KHDRBS2: variants seen among roughly 807,000 people sequenced by gnomAD.
KHDRBS2 encodes KH RNA binding domain containing, signal transduction associated 2, also known as KH domain-containing, RNA-binding, signal transduction-associated protein 2.
Under a neutral mutation model 44.3 loss-of-function variants are expected in KHDRBS2, and 26 were observed. The observed-to-expected ratio is 0.59, with a 90% CI of 0.43 to 0.81. The LOEUF is 0.81. KHDRBS2 is among the 40% of genes least tolerant of loss of function. The probability of loss-of-function intolerance (pLI) is 0.00; values close to 1 mark genes in which losing one functional copy is unlikely to be tolerated. For synonymous variants in KHDRBS2, 194 were observed against 151.1 expected (o/e 1.28, Z -2.08); for missense variants, 476 against 433.1 (o/e 1.10, Z -0.88).
At chr6:62,066,020 G>T (rs12190185) in intron 2 of KHDRBS2, among the ~76,000 whole-genome samples, 30,469 of 151,276 alleles carry the variant, frequency 0.2, 3,659 homozygotes, top group Admixed American at 0.32. Context: ...TTTTCATCCT[G>T]TGTGGAGAGT....
intron 6 of KHDRBS2, among the ~76,000 whole-genome samples, chr6:61,879,356 T>C (rs942192191): frequency 8.5e-4 from 129 of 152,058 alleles, no homozygotes; most frequent in African/African-American, 3.1e-3. Flanking sequence ...AGCTTTGTTT[T>C]TGTCCAGCTA....
intron 6 of KHDRBS2, among the ~76,000 whole-genome samples, chr6:61,844,594 T>C (rs1794091897): frequency 6.6e-6 from 1 of 152,132 alleles, no homozygotes. Context: ...ATACAAAATC[T>C]CATAAAAGCA....
At chr6:62,005,334 G>A (rs942931536) in intron 3 of KHDRBS2, among the ~76,000 whole-genome samples, 10 of 151,734 alleles carry the variant, frequency 6.6e-5, no homozygotes, top group African/African-American at 2.4e-4. Context: ...GTTATTTTTT[G>A]TTGTTTGCTA....
chr6:61,747,126 G>GA (rs945667642), intron 6 of KHDRBS2, among the ~76,000 whole-genome samples: 1 of 150,072 alleles, frequency 6.7e-6, no homozygotes, highest in Non-Finnish European at 1.5e-5. Flanking sequence ...ACAAACATAT[G>GA]AAAAAAAAAG....
chr6:61,821,207 G>A (rs1035251524), intron 6 of KHDRBS2, among the ~76,000 whole-genome samples: 1 of 151,988 alleles, frequency 6.6e-6, no homozygotes, highest in Non-Finnish European at 1.5e-5. Flanking sequence ...TTTTCAAAAT[G>A]TAGCTTGTGG....
chr6:62,060,924 A>G (rs1462023524), intron 2 of KHDRBS2, among the ~76,000 whole-genome samples: 2 of 151,910 alleles, frequency 1.3e-5, no homozygotes, highest in Non-Finnish European at 2.9e-5. Context: ...ATCATATTAT[A>G]CTTTACAGAA....
chr6:61,845,816 T>C (rs1304160951), intron 6 of KHDRBS2, among the ~76,000 whole-genome samples: 9 of 152,224 alleles, frequency 5.9e-5, no homozygotes, highest in Admixed American at 2.6e-4. Flanking sequence ...GTTTCTTTAC[T>C]ACAATTGTAA....
chr6:61,685,058 C>T (rs1468035063), intron 8 of KHDRBS2, among the ~76,000 whole-genome samples: 2 of 151,636 alleles, frequency 1.3e-5, no homozygotes, highest in Admixed American at 1.3e-4. Flanking sequence ...CCTGAAATTT[C>T]ATAGGTTATG....
intron 6 of KHDRBS2, among the ~76,000 whole-genome samples, chr6:61,736,267 G>T (rs1273555433): frequency 7.0e-6 from 1 of 143,622 alleles, no homozygotes; most frequent in African/African-American, 2.5e-5. Flanking sequence ...TTAGGATGTG[G>T]AGTGGATGTT....
At chr6:62,060,664 T>A (rs1791601427) in intron 2 of KHDRBS2, among the ~76,000 whole-genome samples, 1 of 151,356 alleles carries the variant, frequency 6.6e-6, no homozygotes, top group Admixed American at 6.6e-5. Context: ...AAAACAAATT[T>A]AAAAGAGAAA....
chr6:61,615,305 A>T, the KHDRBS2 span, among the ~76,000 whole-genome samples: 1 of 152,032 alleles, frequency 6.6e-6, no homozygotes, highest in East Asian at 1.9e-4. Flanking sequence ...GTTACTACAG[A>T]TAATGCTCTT....
At chr6:61,832,521 G>C (rs1791988248) in intron 6 of KHDRBS2, among the ~76,000 whole-genome samples, 1 of 152,050 alleles carries the variant, frequency 6.6e-6, no homozygotes, top group African/African-American at 2.4e-5. Context: ...GGAAAGTGCT[G>C]GCTTTATTTT....
intron 1 of KHDRBS2, among the ~76,000 whole-genome samples, chr6:62,242,500 A>G (rs1834842918): frequency 6.6e-6 from 1 of 152,118 alleles, no homozygotes; most frequent in African/African-American, 2.4e-5. Context: ...CAAGCAAAAT[A>G]GTCTTTACGC....
chr6:61,805,886 A>G (rs1301009279), intron 6 of KHDRBS2, among the ~76,000 whole-genome samples: 2 of 152,312 alleles, frequency 1.3e-5, no homozygotes, highest in East Asian at 3.9e-4. Flanking sequence ...GAGCCATACC[A>G]TATCAGGTAG....
intron 1 of KHDRBS2, among the ~76,000 whole-genome samples, chr6:62,237,114 C>T (rs1049998257): frequency 3.3e-5 from 5 of 152,044 alleles, no homozygotes; most frequent in South Asian, 2.1e-4. Context: ...ATTGCCATTG[C>T]GTCACACGTG....
chr6:61,949,482 G>A (rs1764299912), intron 4 of KHDRBS2, among the ~76,000 whole-genome samples: 1 of 151,960 alleles, frequency 6.6e-6, no homozygotes, highest in South Asian at 2.1e-4. Flanking sequence ...CAATTATATG[G>A]TTTTACATAT....
chr6:61,597,773 T>TATATATATATATATATATATATATATAC, the KHDRBS2 span, among the ~76,000 whole-genome samples: 3 of 42,354 alleles, frequency 7.1e-5, no homozygotes, highest in Admixed American at 3.2e-4. Context: ...TATATATATA[T>TATATATATATATATATATATATATATAC]ACACCAAGAT....
chr6:61,666,988 T>TG, the KHDRBS2 span, among the ~76,000 whole-genome samples: 1 of 90,190 alleles, frequency 1.1e-5, no homozygotes, highest in Admixed American at 1.3e-4. Flanking sequence ...ACAAACCTTC[T>TG]GGGTTTTTTT....
chr6:61,628,261 A>G, the KHDRBS2 span, among the ~76,000 whole-genome samples: 1 of 117,760 alleles, frequency 8.5e-6, no homozygotes, highest in African/African-American at 3.4e-5. Flanking sequence ...CTGTTTCAAT[A>G]CTACTTAAAC....
Sources: allele counts gnomAD v4.1 joint callset (sites outside exome capture counted in the v4.1 genomes callset), GRCh38; gene constraint gnomAD v4.1.1; transcripts MANE v1.5; gene names NCBI Gene and HGNC (gene_info 2026-07-23, HGNC 2026-07-21).